The following TTC39B variants were observed in gnomAD, a reference collection of about 807,000 sequenced individuals.
TTC39B encodes tetratricopeptide repeat domain 39B, also known as tetratricopeptide repeat protein 39B.
Under a neutral mutation model 96.6 loss-of-function variants are expected in TTC39B, and 92 were observed. The observed-to-expected ratio is 0.95, with a 90% CI of 0.80 to 1.13. The LOEUF is 1.13. Ranked by LOEUF, TTC39B falls within the 50% of genes most tolerant of loss-of-function variation. The pLI is 0.00. For missense variants in TTC39B, 955 were observed against 809.3 expected (o/e 1.18, Z -2.18); for synonymous variants, 367 against 299.4 (o/e 1.23, Z -2.33).
chr9:15,303,881 C>T (rs752368067), intron 1 of TTC39B, among the ~76,000 whole-genome samples: 8 of 152,092 alleles, frequency 5.3e-5, no homozygotes, highest in Non-Finnish European at 1.0e-4. Flanking sequence ...GTGATCCACC[C>T]GCCTCAGCCT....
At chr9:15,206,895 C>T (rs907591118) in intron 6 of TTC39B, among the ~76,000 whole-genome samples, 9 of 151,764 alleles carry the variant, frequency 5.9e-5, no homozygotes, top group Non-Finnish European at 1.2e-4. Flanking sequence ...TCCCCATAAT[C>T]CCCTTGTATC....
At chr9:15,216,685 C>T (rs1048256032) in intron 3 of TTC39B, among the ~76,000 whole-genome samples, 3 of 152,136 alleles carry the variant, frequency 2.0e-5, no homozygotes, top group Admixed American at 6.6e-5. Flanking sequence ...CATTTCTTTC[C>T]CCATCGCCTA....
At chr9:15,267,932 G>A in exon 2 of TTC39B, 2 of 1,610,028 alleles carry the variant, frequency 1.2e-6, no homozygotes, top group South Asian at 1.1e-5. Flanking sequence ...GGTTTCCAAG[G>A]CATCTTCGAA....
chr9:15,300,865 C>T (rs192655615), intron 1 of TTC39B, among the ~76,000 whole-genome samples: 35 of 114,108 alleles, frequency 3.1e-4, no homozygotes, highest in Middle Eastern at 9.4e-3. Flanking sequence ...TCACTCCAGC[C>T]TGGGTGAAAG....
chr9:15,261,950 C>T (rs546836782), intron 2 of TTC39B, among the ~76,000 whole-genome samples: 2 of 152,238 alleles, frequency 1.3e-5, no homozygotes, highest in South Asian at 2.1e-4. Flanking sequence ...AATAAGGAAG[C>T]AAGAAACTAT....
At chr9:15,292,785 A>T (rs1824235796) in intron 1 of TTC39B, among the ~76,000 whole-genome samples, 1 of 152,232 alleles carries the variant, frequency 6.6e-6, no homozygotes, top group African/African-American at 2.4e-5. Context: ...TATAAAGAAA[A>T]TATTTTGTAT....
intron 1 of TTC39B, 74 bp downstream of exon 1, chr9:15,307,010 C>G: frequency 5.1e-6 from 8 of 1,562,364 alleles, no homozygotes; most frequent in Non-Finnish European, 6.9e-6. Flanking sequence ...CCGTCCTAGC[C>G]GGGCTCACTC....
In TTC39B at chr9:15,241,802, G is replaced by T. The variant is rs186683081; in HGVS notation, c.276-15790C>A. ...CTGTCACCCAGGCTGGAGTGCAGTA[G>T]TGGGATCTCAGCTCACTGCAATCTC... On this transcript the variant is annotated intron_variant, in intron 2 of 19. Coordinates refer to ENST00000512701, the Ensembl canonical transcript of TTC39B. 1.4e-4 allele frequency among the ~76,000 whole-genome samples: 21 copies of T among 146,592 alleles called. No individual in the cohort carries two copies. In the East Asian group the frequency reaches 3.8e-3, roughly 26 times the overall value.
intron 1 of TTC39B, among the ~76,000 whole-genome samples, chr9:15,270,728 C>T (rs1309160866): frequency 1.4e-5 from 2 of 147,582 alleles, no homozygotes; most frequent in African/African-American, 5.1e-5. Context: ...TAGTAAGACC[C>T]TGTATCTAAT....
intron 3 of TTC39B, among the ~76,000 whole-genome samples, chr9:15,219,448 T>C (rs528878128): frequency 6.6e-6 from 1 of 152,186 alleles, no homozygotes; most frequent in Non-Finnish European, 1.5e-5. Context: ...ATAAGATCTA[T>C]TGATTAAAAG....
chr9:15,296,188 C>T (rs1018922463), intron 1 of TTC39B, among the ~76,000 whole-genome samples: 7 of 152,188 alleles, frequency 4.6e-5, no homozygotes, highest in African/African-American at 1.4e-4. Context: ...GCTGCCCACA[C>T]GAGCACCGTG....
intron 13 of TTC39B, 27 bp downstream of exon 13, chr9:15,189,547 C>A: frequency 6.2e-7 from 1 of 1,613,562 alleles, no homozygotes; most frequent in Non-Finnish European, 8.5e-7. Context: ...GACAACTCCC[C>A]CAAATAATTC....
intron 13 of TTC39B, among the ~76,000 whole-genome samples, chr9:15,188,414 C>T (rs1818660059): frequency 6.6e-6 from 1 of 152,094 alleles, no homozygotes; most frequent in Non-Finnish European, 1.5e-5. Context: ...AAAAGACTGA[C>T]AATAAAGTTA....
At chr9:15,175,829 T>G (rs1817907731) in intron 18 of TTC39B, among the ~76,000 whole-genome samples, 1 of 152,142 alleles carries the variant, frequency 6.6e-6, no homozygotes, top group Non-Finnish European at 1.5e-5. Context: ...GATGAGGCCT[T>G]GGGCCCACAG....
chr9:15,262,703 G>C (rs529430801), intron 2 of TTC39B, among the ~76,000 whole-genome samples: 5 of 152,238 alleles, frequency 3.3e-5, no homozygotes, highest in Admixed American at 3.3e-4. Flanking sequence ...TATTTGCTTT[G>C]TGGAAACAAT....
At chr9:15,226,303 C>G (rs905239684) in intron 2 of TTC39B, among the ~76,000 whole-genome samples, 1 of 152,108 alleles carries the variant, frequency 6.6e-6, no homozygotes, top group East Asian at 1.9e-4. Flanking sequence ...ATATATCCGT[C>G]CAGGTTTTTT....
intron 7 of TTC39B, among the ~76,000 whole-genome samples, chr9:15,202,358 A>G (rs776959825): frequency 1.3e-5 from 2 of 152,122 alleles, no homozygotes; most frequent in Non-Finnish European, 2.9e-5. Flanking sequence ...GTTTTACTAA[A>G]CCAGAATCCA....
intron 14 of TTC39B, 75 bp from the exon 15 acceptor site, chr9:15,187,110 C>A: frequency 1.9e-6 from 2 of 1,038,736 alleles, no homozygotes; most frequent in South Asian, 1.8e-5. Context: ...TCAGGAATGA[C>A]CAACAAGTCT....
intron 1 of TTC39B, among the ~76,000 whole-genome samples, chr9:15,280,747 C>A (rs1823731609): frequency 6.6e-6 from 1 of 152,098 alleles, no homozygotes; most frequent in South Asian, 2.1e-4. Context: ...AGTGGGTATC[C>A]CTAAAAGTTA....
Sources: allele counts gnomAD v4.1 joint callset (sites outside exome capture counted in the v4.1 genomes callset), GRCh38; gene constraint gnomAD v4.1.1; transcripts MANE v1.5; gene names NCBI Gene and HGNC (gene_info 2026-07-23, HGNC 2026-07-21).